TIMM44: variants seen among roughly 807,000 people sequenced by gnomAD.
TIMM44 encodes translocase of inner mitochondrial membrane 44.
A neutral mutation model predicts 63.8 loss-of-function variants in TIMM44; 37 were observed. The ratio of observed to expected loss-of-function variants is 0.58; its 90% CI spans 0.45 to 0.76. The LOEUF (loss-of-function observed/expected upper bound fraction) is 0.76, where lower values mean the gene tolerates loss of function less well. Among genes scored for constraint, TIMM44 ranks in the 30% least tolerant of loss-of-function variants. The pLI, the probability that TIMM44 is intolerant of heterozygous loss-of-function variation, is 0.00. For synonymous variants in TIMM44, 239 were observed against 245.1 expected (o/e 0.98, Z 0.23); for missense variants, 573 against 603.8 (o/e 0.95, Z 0.54).
At chr19:7,931,558 G>A (rs1275923049) in intron 9 of TIMM44, 13 of 330,074 alleles carry the variant, frequency 3.9e-5, no homozygotes, top group African/African-American at 8.6e-5. Flanking sequence ...CTCCCGCAGT[G>A]AGCCCATGTC....
rs752638090 is a variant in TIMM44, at chr19:7,927,709, T to A, written c.1187A>T (p.Gln396Leu). Residue 396 changes from glutamine to leucine, a missense_variant, in exon 12 of 13, where the codon CAG becomes CTG. Transcript: ENST00000270538. ...GGGGTTCCTGACCACCATCACCAGCTGTGCCTGGAAGGTGATGATCAGCAC... is the reference window on the plus strand; with the variant it reads ...GGGGTTCCTGACCACCATCACCAGCAGTGCCTGGAAGGTGATGATCAGCAC... Reference protein sequence around the residue: ...GPVLIITFQAQLVMVVRNPKG... With the variant: ...GPVLIITFQALLVMVVRNPKG... 3.7e-6 allele frequency: 6 copies of A among 1,613,426 alleles called. No individual in the cohort carries two copies. The highest frequency in any genetic ancestry group is 5.1e-6 in the Non-Finnish European group (6 of 1,180,016).
At chr19:7,931,453 C>G in intron 9 of TIMM44, 1 of 501,640 alleles carries the variant, frequency 2.0e-6, no homozygotes, top group Non-Finnish European at 3.6e-6. Context: ...AGGGGGACCC[C>G]CCTGGAACCT....
chr19:7,929,116 G>A (rs957536907), intron 10 of TIMM44, among the ~76,000 whole-genome samples: 5 of 152,132 alleles, frequency 3.3e-5, no homozygotes, highest in Admixed American at 6.5e-5. Context: ...AAGAAGCCAG[G>A]GGAAAGAAAC....
At chr19:7,935,343 T>C in intron 3 of TIMM44, 198 bp from the exon 4 acceptor site, 1 of 577,758 alleles carries the variant, frequency 1.7e-6, no homozygotes, top group Admixed American at 3.0e-5. Flanking sequence ...TTTTGTATTT[T>C]CAGTAGAGAC....
chr19:7,934,431 CA>C lies in TIMM44; in HGVS notation c.394-194del. 6.6e-6 allele frequency among the ~76,000 whole-genome samples: 1 copy of C among 151,416 alleles called. No homozygotes were observed. The highest frequency in any genetic ancestry group is 2.4e-5 in the African/African-American group (1 of 41,084). On this transcript the variant is annotated intron_variant, in intron 4 of 12. Transcript: ENST00000270538. This position sits in a 1 kb window ranked among gnomAD's most constrained non-coding sequence, Gnocchi z 5.3. The stretch of plus-strand genomic sequence containing the variant: ...AACGGCACCCCCAGAGCCACGAGCA[CA>C]CCGCCACCCCCAGAGCCACGAGCAC...
At position 7,931,264 on chromosome 19, in the gene TIMM44, T is replaced by A; in HGVS notation, c.988-76A>T. On this transcript the variant is annotated intron_variant, in intron 9 of 12. Coordinates refer to ENST00000270538, the MANE Select transcript of TIMM44 (RefSeq NM_006351.4). ...AGCAGGCGAGGTCCTGGGAACATTC[T>A]CCAGTGGTGCGGGGTGGGGAGTTTC... 2.9e-6 allele frequency: 4 copies of A among 1,376,904 alleles called. No individual in the cohort carries two copies. The South Asian group carries it at 4.6e-5, about 16-fold the overall frequency. 85.3% of individuals were successfully genotyped at this position (1,376,904 alleles called of 1,614,324 possible).
At chr19:7,937,056 C>T (rs951883536) in intron 3 of TIMM44, among the ~76,000 whole-genome samples, 1 of 152,012 alleles carries the variant, frequency 6.6e-6, no homozygotes, top group Non-Finnish European at 1.5e-5. Flanking sequence ...GAGCCAAAAT[C>T]GTACCACTGC....
chr19:7,943,511 G>T lies in TIMM44; in HGVS notation c.45+96C>A. On this transcript the variant is annotated intron_variant, in intron 1 of 12. Transcript: ENST00000270538. This position sits in a 1 kb window ranked among gnomAD's most constrained non-coding sequence, Gnocchi z 4.3. ...CAAGCTTTCTAAGGAGCCCAAGCAA[G>T]GGTCGCGAAGGCCAAGGGTCTGAGA... is the stretch of plus-strand genomic sequence containing the variant. The T allele has an allele frequency of 7.2e-7, 1 of 1,391,870 alleles. No homozygotes were observed. The highest frequency in any genetic ancestry group is 1.2e-5 in the South Asian group (1 of 80,752). The allele number at this position is 1,391,870 out of a possible 1,614,324, so 86.2% of individuals were successfully genotyped here.
chr19:7,934,281 G>A lies in TIMM44; in HGVS notation c.394-43C>T, dbSNP rs1399725036. On this transcript the variant is annotated intron_variant, in intron 4 of 12. Transcript: ENST00000270538. This position sits in a 1 kb window ranked among gnomAD's most constrained non-coding sequence, Gnocchi z 5.3. ...GAGAGGGGGCGTTGGCACCGGCCCT[G>A]GCGGCCGGGGGGCGGGGCAGGAGGA... 6 of 1,604,702 alleles carry A rather than the reference G, an allele frequency of 3.7e-6. No individual in the cohort carries two copies. In the East Asian group the frequency reaches 6.7e-5, roughly 18 times the overall value.
intron 9 of TIMM44, chr19:7,931,511 A>G: frequency 1.8e-5 from 7 of 398,802 alleles, no homozygotes; most frequent in South Asian, 1.6e-4. Flanking sequence ...CAGCCTGGTC[A>G]GGAATCCAAG....
At position 7,931,213 on chromosome 19, in the gene TIMM44, C is replaced by T. The variant is rs370381930; in HGVS notation, c.988-25G>A. 1.4e-4 allele frequency: 220 copies of T among 1,610,690 alleles called. 2 individuals carry two copies. The African/African-American group carries it at 2.6e-3, about 19-fold the overall frequency. ...CCTAAAAAGGAAGGGAAAATAAGCA[C>T]CAGAACGAGAGTGGGCTTTTCAGGC... On this transcript the variant is annotated intron_variant, in intron 9 of 12. Coordinates refer to ENST00000270538, the MANE Select transcript of TIMM44 (RefSeq NM_006351.4).
At chr19:7,932,776 C>T (rs760328763) in intron 8 of TIMM44, 25 bp from the exon 9 acceptor site, 36 of 1,613,836 alleles carry the variant, frequency 2.2e-5, no homozygotes, top group African/African-American at 2.0e-4. Flanking sequence ...GCCGGGAGTT[C>T]GGGGGGAAGG....
chr19:7,941,030 C>T, intron 2 of TIMM44, 72 bp downstream of exon 2: 1 of 1,250,958 alleles, frequency 8.0e-7, no homozygotes, highest in African/African-American at 1.5e-5. Context: ...CCCACCCCTC[C>T]CTCCTGCCAA....
intron 2 of TIMM44, among the ~76,000 whole-genome samples, chr19:7,940,334 C>T (rs956011672): frequency 6.6e-6 from 1 of 152,116 alleles, no homozygotes; most frequent in Non-Finnish European, 1.5e-5. Flanking sequence ...CAGCCTTTCT[C>T]CAGGGGAAAC....
At position 7,933,417 on chromosome 19, in the gene TIMM44, G is replaced by C. The variant is rs1365987321; in HGVS notation, c.769+68C>G. Reference sequence around the variant, plus strand: ...GGGGCTGTCTTGTGCCCAATGCAGGGGGATCACCTTGCGGTCCACCAACTG... The same window carrying C: ...GGGGCTGTCTTGTGCCCAATGCAGGCGGATCACCTTGCGGTCCACCAACTG... On this transcript the variant is annotated intron_variant, in intron 7 of 12. Coordinates refer to ENST00000270538, the MANE Select transcript of TIMM44 (RefSeq NM_006351.4). This position sits in a 1 kb window ranked among gnomAD's most constrained non-coding sequence, Gnocchi z 4.3. 13 of 1,396,454 alleles carry C rather than the reference G, an allele frequency of 9.3e-6. No homozygotes were observed. Among genetic ancestry groups the C allele is most frequent in the Non-Finnish European group, 9.2e-6 (9 of 981,436 alleles). The allele number at this position is 1,396,454 out of a possible 1,614,324, so 86.5% of individuals were successfully genotyped here.
chr19:7,939,430 A>G (rs151144590), intron 2 of TIMM44, among the ~76,000 whole-genome samples: 283 of 147,154 alleles, frequency 1.9e-3, no homozygotes, highest in African/African-American at 7.0e-3. Context: ...TGACCAACAT[A>G]GTGAAACCCC....
intron 1 of TIMM44, among the ~76,000 whole-genome samples, chr19:7,942,656 G>A (rs897323570): frequency 6.7e-6 from 1 of 148,234 alleles, no homozygotes; most frequent in African/African-American, 2.5e-5. Flanking sequence ...ATTTACTTGA[G>A]GATAACTTTT....
intron 9 of TIMM44, chr19:7,932,157 T>C (rs1568295371): frequency 5.2e-6 from 1 of 190,608 alleles, no homozygotes; most frequent in South Asian, 1.0e-4. Flanking sequence ...AGCATGACCT[T>C]GAGCAAGATA....
At chr19:7,936,050 A>AG (rs1984145704) in intron 3 of TIMM44, among the ~76,000 whole-genome samples, 1 of 152,174 alleles carries the variant, frequency 6.6e-6, no homozygotes, top group Non-Finnish European at 1.5e-5. Flanking sequence ...GCTACTCAGG[A>AG]GGCTGAGGTG....
Sources: gnomAD v4.1 joint callset for allele counts (sites outside exome capture counted in the v4.1 genomes callset) on GRCh38, gnomAD v4.1.1 for gene constraint, Gnocchi (gnomAD v3.1) non-coding constraint, MANE v1.5 for transcripts, NCBI Gene and HGNC (gene_info 2026-07-23, HGNC 2026-07-21) for gene names.